LRRC63: variants seen among roughly 807,000 people sequenced by gnomAD.
LRRC63 encodes leucine rich repeat containing 63.
In LRRC63, 40 loss-of-function variants were observed where a neutral mutation model predicts 49.5. The ratio of observed to expected loss-of-function variants is 0.81; its 90% confidence interval spans 0.63 to 1.05. LRRC63 has a LOEUF of 1.05. LRRC63 is among the 50% of genes least tolerant of loss of function. LRRC63 has a pLI of 0.00. For missense variants in LRRC63, 636 were observed against 663.1 expected (o/e 0.96, Z 0.45); for synonymous variants, 191 against 221.1 (o/e 0.86, Z 1.21).
At chr13:46,218,007 T>C (rs1046250789) in intron 2 of LRRC63, among the ~76,000 whole-genome samples, 1 of 152,048 alleles carries the variant, frequency 6.6e-6, no homozygotes, top group African/African-American at 2.4e-5. Flanking sequence ...TTCTGAGGAG[T>C]GTTTTACTTC....
intron 5 of LRRC63, among the ~76,000 whole-genome samples, chr13:46,243,644 A>G (rs1338227984): frequency 6.6e-6 from 1 of 152,164 alleles, no homozygotes; most frequent in African/African-American, 2.4e-5. Flanking sequence ...TAAGTCAAGA[A>G]TGGTAAGACA....
chr13:46,260,949 A>G, intron 7 of LRRC63, among the ~76,000 whole-genome samples: 1 of 152,132 alleles, frequency 6.6e-6, no homozygotes, highest in Non-Finnish European at 1.5e-5. Context: ...CTCACCTTTT[A>G]TTTACATGGA....
intron 9 of LRRC63, among the ~76,000 whole-genome samples, chr13:46,273,650 C>T (rs1230013756): frequency 2.7e-5 from 4 of 147,512 alleles, no homozygotes; most frequent in South Asian, 2.2e-4. Context: ...TGGTGGCTCA[C>T]GCCTGTAATC....
chr13:46,274,644 A>C (rs1042911536), intron 9 of LRRC63, among the ~76,000 whole-genome samples: 14 of 152,212 alleles, frequency 9.2e-5, no homozygotes, highest in African/African-American at 3.4e-4. Context: ...CAGAAGACTC[A>C]TGTTCCACAG....
intron 8 of LRRC63, among the ~76,000 whole-genome samples, chr13:46,265,241 A>T (rs565672314): frequency 6.6e-5 from 10 of 152,108 alleles, no homozygotes; most frequent in Non-Finnish European, 1.3e-4. Context: ...GTGTCCTCCG[A>T]GGTAAACCAA....
intron 9 of LRRC63, among the ~76,000 whole-genome samples, chr13:46,273,306 T>C (rs1566516670): frequency 6.6e-6 from 1 of 151,944 alleles, no homozygotes. Context: ...GAACAAAACA[T>C]CCATAAAGGG....
At chr13:46,270,710 G>A in intron 9 of LRRC63, 1 of 617,950 alleles carries the variant, frequency 1.6e-6, no homozygotes, top group South Asian at 1.6e-5. Context: ...CAGTATCTGT[G>A]AAGCATACTT....
At chr13:46,276,436 T>C (rs572967804) in intron 9 of LRRC63, among the ~76,000 whole-genome samples, 154 bp from the exon 10 acceptor site, 1 of 152,296 alleles carries the variant, frequency 6.6e-6, no homozygotes, top group South Asian at 2.1e-4. Flanking sequence ...TCAGCTTTTT[T>C]AGCGTTTAGT....
At chr13:46,257,995 C>T (rs1252445237) in intron 7 of LRRC63, among the ~76,000 whole-genome samples, 1 of 151,936 alleles carries the variant, frequency 6.6e-6, no homozygotes, top group Non-Finnish European at 1.5e-5. Flanking sequence ...TCACTGTTAT[C>T]TTTCCATTCC....
Position 46,246,584 on chromosome 13 carries a change from C to CAG in LRRC63, c.1048_1049insAG (p.Leu350GlnfsTer25). On this transcript the variant is annotated frameshift_variant, in exon 6 of 10. Coordinates refer to ENST00000595396, the Ensembl canonical transcript of LRRC63. LOFTEE classifies it high-confidence loss of function. The stretch of plus-strand genomic sequence containing the variant: ...ACCTTTGGCTTTCCAGTTGATATAT[C>CAG]TTAATTTATCATTTAATGATCTTCA... 1 of 1,471,700 alleles carries CAG rather than the reference C, an allele frequency of 6.8e-7. No homozygotes were observed. The highest frequency in any genetic ancestry group is 2.6e-5 in the East Asian group (1 of 37,996). 91.2% of individuals were successfully genotyped at this position (1,471,700 alleles called of 1,614,324 possible).
At chr13:46,263,808 A>T (rs1164885582) in intron 8 of LRRC63, among the ~76,000 whole-genome samples, 1 of 152,160 alleles carries the variant, frequency 6.6e-6, no homozygotes, top group Non-Finnish European at 1.5e-5. Context: ...ATTTTAGTTC[A>T]TTCTCCTTTT....
intron 7 of LRRC63, among the ~76,000 whole-genome samples, chr13:46,255,645 A>AAAAAAAAAAAAAAAAAATATATAT (rs1555328641): frequency 3.1e-5 from 4 of 129,468 alleles, no homozygotes; most frequent in African/African-American, 1.2e-4. Flanking sequence ...CCCTGCCTCA[A>AAAAAAAAAAAAAAAAAATATATAT]ATATATATAT....
intron 5 of LRRC63, among the ~76,000 whole-genome samples, chr13:46,236,545 A>G (rs144025656): frequency 4.6e-5 from 7 of 152,260 alleles, no homozygotes; most frequent in Admixed American, 3.9e-4. Flanking sequence ...AAGAAAAGCA[A>G]TCTGTCAACC....
intron 7 of LRRC63, among the ~76,000 whole-genome samples, chr13:46,258,124 CTTTT>C (rs61630248): frequency 9.9e-6 from 1 of 100,574 alleles, no homozygotes; most frequent in Non-Finnish European, 1.9e-5. Context: ...GTGACCTACT[CTTTT>C]TTTTTTTTTT....
intron 2 of LRRC63, among the ~76,000 whole-genome samples, chr13:46,225,343 T>G (rs2046539156): frequency 6.6e-6 from 1 of 152,222 alleles, no homozygotes; most frequent in Non-Finnish European, 1.5e-5. Flanking sequence ...TTGTAGTCAC[T>G]ACTTAGAGCC....
At chr13:46,275,999 AT>A (rs2047831056) in intron 9 of LRRC63, among the ~76,000 whole-genome samples, 1 of 152,162 alleles carries the variant, frequency 6.6e-6, no homozygotes, top group South Asian at 2.1e-4. Context: ...TTTGTTTTGT[AT>A]TCCCCGATTA....
intron 2 of LRRC63, among the ~76,000 whole-genome samples, chr13:46,223,260 C>T (rs2046462115): frequency 6.6e-6 from 1 of 151,902 alleles, no homozygotes. Context: ...GGTGTCCTTT[C>T]CCCAGTGTCA....
intron 9 of LRRC63, among the ~76,000 whole-genome samples, chr13:46,274,583 C>T (rs2047805784): frequency 6.6e-6 from 1 of 152,220 alleles, no homozygotes; most frequent in African/African-American, 2.4e-5. Context: ...TGTCTCTCTA[C>T]CCACATTGTA....
chr13:46,254,382 A>G (rs1027435425), intron 7 of LRRC63, among the ~76,000 whole-genome samples: 2 of 152,162 alleles, frequency 1.3e-5, no homozygotes, highest in African/African-American at 2.4e-5. Flanking sequence ...TGGAAGGATG[A>G]CAGATGAAGC....
Sources: allele counts gnomAD v4.1 joint callset (sites outside exome capture counted in the v4.1 genomes callset), GRCh38; gene constraint gnomAD v4.1.1; transcripts MANE v1.5; gene names NCBI Gene and HGNC (gene_info 2026-07-23, HGNC 2026-07-21).